Variants in UBA2 observed in about 807,000 individuals in gnomAD.
The protein encoded by UBA2 is ubiquitin like modifier activating enzyme 2.
In UBA2, 11 loss-of-function variants were observed where a neutral mutation model predicts 77.2. That is an observed-to-expected ratio of 0.14 (90% CI 0.09 to 0.24). UBA2 has a LOEUF of 0.24. Ranked by LOEUF, UBA2 falls within the 10% of genes least tolerant of loss-of-function variation. UBA2 has a pLI of 1.00. For missense variants in UBA2, 487 were observed against 781.7 expected, an observed-to-expected ratio of 0.62 and a Z score of 4.50; for synonymous variants, 278 against 276.7, an observed-to-expected ratio of 1.00 and a Z score of -0.05.
chr19:34,463,584 ATTG>A lies in UBA2; in HGVS notation c.1499-441_1499-439del. 2.6e-5 allele frequency among the ~76,000 whole-genome samples: 4 copies of A among 152,038 alleles called. 1 individual carries two copies. The East Asian group carries it at 7.8e-4, about 29-fold the overall frequency. On this transcript the variant is annotated intron_variant, in intron 14 of 16. Transcript: ENST00000246548. ...TCTGTCCAGATTTTGGGATTGATTG[ATTG>A]ATTGATTGATTGACTGGAGACAGAG... is the stretch of plus-strand genomic sequence containing the variant.
intron 6 of UBA2, among the ~76,000 whole-genome samples, chr19:34,439,293 C>G (rs1268858881): frequency 6.6e-6 from 1 of 151,392 alleles, no homozygotes. Context: ...CGATAAAAAT[C>G]TTTATATTTG....
chr19:34,454,895 C>A (rs187196689), intron 12 of UBA2, among the ~76,000 whole-genome samples: 1 of 152,188 alleles, frequency 6.6e-6, no homozygotes, highest in Admixed American at 6.5e-5. Context: ...ATTTTATAGT[C>A]CCCTGTTCAG....
At position 34,466,941 on chromosome 19, in the gene UBA2, C is replaced by T; in HGVS notation, c.1668C>T (p.Pro556=). 1.2e-6 allele frequency: 2 copies of T among 1,613,834 alleles called. No individual in the cohort carries two copies. Among genetic ancestry groups the T allele is most frequent in the African/African-American group, 2.7e-5 (2 of 74,944 alleles). The change falls in exon 16 of 17, where the codon CCC becomes CCT. Residue 556 remains proline, a synonymous_variant. Coordinates refer to ENST00000246548, the MANE Select transcript of UBA2 (RefSeq NM_005499.3). ...VVGDAPEKVG[P]KQAEDAAKSI... Reference sequence around the variant, plus strand: ...GTGATGCCCCGGAAAAAGTGGGGCCCAAACAAGCTGAAGATGCTGCCAAAA... The same window carrying T: ...GTGATGCCCCGGAAAAAGTGGGGCCTAAACAAGCTGAAGATGCTGCCAAAA...
At chr19:34,455,803 C>T (rs966361242) in intron 12 of UBA2, among the ~76,000 whole-genome samples, 8 of 151,826 alleles carry the variant, frequency 5.3e-5, no homozygotes, top group Admixed American at 3.3e-4. Context: ...GCCACCATGC[C>T]GGCTAATTTT....
chr19:34,437,467 G>T (rs1002374347), intron 5 of UBA2, among the ~76,000 whole-genome samples: 1 of 151,466 alleles, frequency 6.6e-6, no homozygotes, highest in Non-Finnish European at 1.5e-5. Flanking sequence ...AAATTTAGCT[G>T]GGTGTGGTGG....
In UBA2 at chr19:34,458,876, T is replaced by G; in HGVS notation, c.1353T>G (p.Thr451=). 1.2e-6 allele frequency: 2 copies of G among 1,614,168 alleles called. No homozygotes were observed. Among genetic ancestry groups the G allele is most frequent in the South Asian group, 2.2e-5 (2 of 91,076 alleles). Residue 451 remains threonine (T), a synonymous_variant, in exon 13 of 17, where the codon ACT becomes ACG. Coordinates refer to ENST00000246548, the MANE Select transcript of UBA2 (RefSeq NM_005499.3). Reference sequence around the variant, plus strand: ...TATGTGCCAGCAAGCCAGAGGTGACTGTGCGGCTGAATGTCCATAAAGTGA... The same window carrying G: ...TATGTGCCAGCAAGCCAGAGGTGACGGTGCGGCTGAATGTCCATAAAGTGA... ...CYVCASKPEV[T]VRLNVHKVTV...
intron 12 of UBA2, among the ~76,000 whole-genome samples, chr19:34,456,436 T>G (rs1464167180): frequency 6.6e-6 from 1 of 152,154 alleles, no homozygotes; most frequent in Non-Finnish European, 1.5e-5. Context: ...TAAAATATTT[T>G]ATTTTCATGA....
chr19:34,461,408 A>G (rs1371292793), intron 14 of UBA2, among the ~76,000 whole-genome samples: 1 of 152,116 alleles, frequency 6.6e-6, no homozygotes, highest in Non-Finnish European at 1.5e-5. Flanking sequence ...TTTTTGGGCT[A>G]TTAGGTCATG....
chr19:34,454,337 T>G lies in UBA2; in HGVS notation c.1116T>G (p.Ser372Arg). 6.2e-7 allele frequency: 1 copy of G among 1,611,000 alleles called. No homozygotes were observed. Among genetic ancestry groups the G allele is most frequent in the Non-Finnish European group, 8.5e-7 (1 of 1,179,070 alleles). The change falls in exon 11 of 17, where the codon AGT becomes AGG. Residue 372 changes from serine (S) to arginine (R), a missense_variant. Ser to Arg is a moderately radical substitution (Grantham distance 110). Transcript: ENST00000246548. Reference protein sequence around the residue: ...RMHIFSMNMKSRFDIKSMAGN... With the variant: ...RMHIFSMNMKRRFDIKSMAGN... Reference sequence around the variant, plus strand: ...ATATTTTCAGTATGAATATGAAGAGTAGATTTGATATCAAATGTAAGTTAT... The same window carrying G: ...ATATTTTCAGTATGAATATGAAGAGGAGATTTGATATCAAATGTAAGTTAT...
intron 2 of UBA2, 27 bp from the exon 3 acceptor site, chr19:34,431,834 G>A (rs181386926): frequency 8.3e-5 from 133 of 1,596,568 alleles, no homozygotes; most frequent in Middle Eastern, 3.3e-4. Flanking sequence ...AAATATTGTA[G>A]TAATTCAGTG....
intron 14 of UBA2, among the ~76,000 whole-genome samples, chr19:34,463,011 C>T (rs970952021): frequency 2.0e-5 from 3 of 151,738 alleles, no homozygotes; most frequent in South Asian, 4.2e-4. Context: ...GCAGGAGAAT[C>T]GCCTGAACCT....
At position 34,428,382 on chromosome 19, in the gene UBA2, C is replaced by T. The variant is rs1006100450; in HGVS notation, c.-51C>T. The T allele has an allele frequency of 6.5e-6, 8 of 1,230,926 alleles. No individual in the cohort carries two copies. Among genetic ancestry groups the T allele is most frequent in the East Asian group, 3.2e-5 (1 of 31,620 alleles). 76.3% of individuals were successfully genotyped at this position (1,230,926 alleles called of 1,614,324 possible). A position where few individuals can be genotyped will look rare whatever the true frequency, so the allele number is the denominator to read the frequency against. On this transcript the variant is annotated 5_prime_UTR_variant, in exon 1 of 17. Coordinates refer to ENST00000246548, the MANE Select transcript of UBA2 (RefSeq NM_005499.3). ...CCCTTCCCCCACCCGCTTCCGGCCG[C>T]GGCTCGGTTCTCCCGCCTCCGCCTC...
At chr19:34,437,013 A>G (rs2075315995) in intron 5 of UBA2, among the ~76,000 whole-genome samples, 1 of 152,190 alleles carries the variant, frequency 6.6e-6, no homozygotes, top group Non-Finnish European at 1.5e-5. Context: ...TCAAGAAAGC[A>G]TATTGGAAGG....
Position 34,470,648 on chromosome 19 carries a change from C to T in UBA2, c.*1427C>T. 6.6e-6 allele frequency: 1 copy of T among 152,256 alleles called. No individual in the cohort carries two copies. Among genetic ancestry groups the T allele is most frequent in the Non-Finnish European group, 1.5e-5 (1 of 68,104 alleles). 9.4% of individuals were successfully genotyped at this position (152,256 alleles called of 1,614,324 possible). A position where few individuals can be genotyped will look rare whatever the true frequency, so the allele number is the denominator to read the frequency against. ...AGCGATTCTCCTGTCTCAGCCTCCC[C>T]TGTAGCTGGGATTACAGGCGCCCTC... is the stretch of plus-strand genomic sequence containing the variant. On this transcript the variant is annotated 3_prime_UTR_variant, in exon 17 of 17. Coordinates refer to ENST00000246548, the MANE Select transcript of UBA2 (RefSeq NM_005499.3).
At position 34,450,376 on chromosome 19, in the gene UBA2, A is replaced by G. The variant is rs1212220324; in HGVS notation, c.871+12A>G. ...AGTACAAAGTCAAGGTAAAGAATAC[A>G]TTTTAGTCTTGGAACACCTAAGCTG... On this transcript the variant is annotated intron_variant, in intron 9 of 16. Transcript: ENST00000246548. 6.3e-7 allele frequency: 1 copy of G among 1,576,156 alleles called. No homozygotes were observed. The highest frequency in any genetic ancestry group is 8.6e-7 in the Non-Finnish European group (1 of 1,162,184).
At position 34,441,449 on chromosome 19, in the gene UBA2, C is replaced by T. The variant is rs796851360; in HGVS notation, c.582-2395C>T. On this transcript the variant is annotated intron_variant, in intron 6 of 16. Coordinates refer to ENST00000246548, the MANE Select transcript of UBA2 (RefSeq NM_005499.3). ...CAGCCTGGGCGACAGAGCGATACTC[C>T]GTCTCAAAAAAATAAAAAATAAATA... is the stretch of plus-strand genomic sequence containing the variant. Among the ~76,000 whole-genome samples, 37 of 149,990 alleles carry T rather than the reference C, an allele frequency of 2.5e-4. 1 individual carries two copies. Among genetic ancestry groups the T allele is most frequent in the African/African-American group, 7.1e-4 (29 of 40,560 alleles).
intron 5 of UBA2, among the ~76,000 whole-genome samples, chr19:34,435,936 C>T (rs551210898): frequency 6.6e-6 from 1 of 151,968 alleles, no homozygotes; most frequent in South Asian, 2.1e-4. Context: ...GCCTGTCCAA[C>T]ATGGTGAAAC....
chr19:34,439,768 C>T (rs1041402808), intron 6 of UBA2, among the ~76,000 whole-genome samples: 1 of 151,832 alleles, frequency 6.6e-6, no homozygotes, highest in Non-Finnish European at 1.5e-5. Context: ...TGCAGTGAAC[C>T]GAGATAGTGC....
intron 12 of UBA2, among the ~76,000 whole-genome samples, chr19:34,457,176 AAAAATATATATATATATAT>A (rs1242312567): frequency 1.9e-4 from 19 of 100,196 alleles, no homozygotes; most frequent in African/African-American, 2.1e-4. Flanking sequence ...TAAAAAAAAA[AAAAATATATATATATATAT>A]ATATATATAT....
Sources: gnomAD v4.1 joint callset for allele counts (sites outside exome capture counted in the v4.1 genomes callset) on GRCh38, gnomAD v4.1.1 for gene constraint, MANE v1.5 for transcripts, NCBI Gene and HGNC (gene_info 2026-07-23, HGNC 2026-07-21) for gene names.